Variants in ANKS1B observed in about 807,000 individuals in gnomAD.
ANKS1B encodes the protein ankyrin repeat and sterile alpha motif domain-containing protein 1B.
In ANKS1B, 36 loss-of-function variants were observed where a neutral mutation model predicts 148.3. The ratio of observed to expected loss-of-function variants is 0.24; its 90% confidence interval spans 0.19 to 0.32. The LOEUF is 0.32. Among genes scored for constraint, ANKS1B ranks in the 10% least tolerant of loss-of-function variants. The probability of loss-of-function intolerance (pLI) is 1.00; values close to 1 mark genes in which losing one functional copy is unlikely to be tolerated. For missense variants in ANKS1B, 1,157 were observed against 1,542.6 expected (o/e 0.75, Z 4.19); for synonymous variants, 542 against 560.8 (o/e 0.97, Z 0.47).
intron 9 of ANKS1B, among the ~76,000 whole-genome samples, chr12:99,636,595 A>T (rs184241641): frequency 2.4e-4 from 36 of 152,062 alleles, no homozygotes; most frequent in East Asian, 9.7e-4. Context: ...AAACCAGAAA[A>T]TTTTTTTTAA....
intron 8 of ANKS1B, among the ~76,000 whole-genome samples, chr12:99,748,518 T>G (rs2060811965): frequency 6.6e-6 from 1 of 152,054 alleles, no homozygotes; most frequent in Non-Finnish European, 1.5e-5. Flanking sequence ...ATCAAACTAA[T>G]TTTTCAATTT....
intron 1 of ANKS1B, among the ~76,000 whole-genome samples, chr12:99,958,501 G>GC (rs769743296): frequency 6.6e-6 from 1 of 152,074 alleles, no homozygotes; most frequent in Non-Finnish European, 1.5e-5. Context: ...TCCCACCTCA[G>GC]CCCCCCAAGT....
rs2074908970 is a variant in ANKS1B at position 99,253,582 on chromosome 12, T to C, written c.1757-6718A>G. On this transcript the variant is annotated intron_variant, in intron 12 of 26. Coordinates refer to ENST00000683438, the MANE Select transcript of ANKS1B (RefSeq NM_001352186.2). ...AAAGGATTTAGATAGAGGGCAATTT[T>C]AGGAATAAAATAAATAATGACAGTA... Among the ~76,000 whole-genome samples the C allele has an allele frequency of 2.0e-5, 3 of 152,070 alleles. No homozygotes were observed. The South Asian group carries it at 6.2e-4, about 32-fold the overall frequency.
chr12:99,674,625 C>G (rs955064094), intron 8 of ANKS1B, among the ~76,000 whole-genome samples: 2 of 151,614 alleles, frequency 1.3e-5, no homozygotes, highest in African/African-American at 4.8e-5. Flanking sequence ...AAGTGGATTA[C>G]TCAATAAACT....
intron 9 of ANKS1B, among the ~76,000 whole-genome samples, chr12:99,559,348 C>T (rs12308425): frequency 0.021 from 3,269 of 152,246 alleles, 113 homozygotes; most frequent in South Asian, 0.064. Flanking sequence ...ATTTTAGAAG[C>T]TTCTTTCTGC....
chr12:99,462,646 T>C (rs939970030), intron 10 of ANKS1B, among the ~76,000 whole-genome samples: 1 of 152,206 alleles, frequency 6.6e-6, no homozygotes, highest in African/African-American at 2.4e-5. Context: ...TGCTAGAAAT[T>C]AATGTTATCA....
chr12:99,269,448 T>C (rs2076790260), intron 12 of ANKS1B, among the ~76,000 whole-genome samples: 2 of 152,104 alleles, frequency 1.3e-5, no homozygotes, highest in Non-Finnish European at 2.9e-5. Flanking sequence ...TAGCATAAAA[T>C]TGCATTAAAC....
intron 12 of ANKS1B, among the ~76,000 whole-genome samples, chr12:99,260,814 T>A (rs2075848917): frequency 6.6e-6 from 1 of 152,100 alleles, no homozygotes; most frequent in East Asian, 1.9e-4. Context: ...AAAGAAGACA[T>A]TGTAAAGATA....
chr12:99,127,250 G>A (rs1199516749), intron 15 of ANKS1B, among the ~76,000 whole-genome samples: 1 of 152,140 alleles, frequency 6.6e-6, no homozygotes, highest in Non-Finnish European at 1.5e-5. Context: ...GGAGATGCTC[G>A]CTGAGGTGGC....
chr12:99,504,732 G>C (rs1262254475), intron 9 of ANKS1B, 91 bp from the exon 10 acceptor site: 1 of 990,072 alleles, frequency 1.0e-6, no homozygotes, highest in African/African-American at 1.7e-5. Flanking sequence ...AGGTTCATTA[G>C]TTCTTTCCAA....
chr12:99,793,926 A>G (rs2065941050), intron 4 of ANKS1B, among the ~76,000 whole-genome samples: 1 of 152,166 alleles, frequency 6.6e-6, no homozygotes, highest in African/African-American at 2.4e-5. Flanking sequence ...TACTCATCTG[A>G]CAAGAGATTA....
chr12:99,690,271 AC>A (rs1424072208), intron 8 of ANKS1B, among the ~76,000 whole-genome samples: 1 of 152,132 alleles, frequency 6.6e-6, no homozygotes, highest in Non-Finnish European at 1.5e-5. Context: ...CTGGATGGGG[AC>A]ACAGAGGCAA....
At chr12:99,865,922 G>T (rs1343946061) in intron 1 of ANKS1B, among the ~76,000 whole-genome samples, 1 of 151,928 alleles carries the variant, frequency 6.6e-6, no homozygotes, top group African/African-American at 2.4e-5. Context: ...AGTCTTGGTG[G>T]TGCTACAAGT....
intron 17 of ANKS1B, among the ~76,000 whole-genome samples, chr12:98,928,400 A>T (rs1183325019): frequency 6.6e-6 from 1 of 151,980 alleles, no homozygotes; most frequent in Non-Finnish European, 1.5e-5. Flanking sequence ...ACCAAAAAAT[A>T]GAAAGGGAAG....
intron 12 of ANKS1B, among the ~76,000 whole-genome samples, chr12:99,378,691 G>C (rs1437010335): frequency 6.8e-6 from 1 of 148,036 alleles, no homozygotes; most frequent in Non-Finnish European, 1.5e-5. Flanking sequence ...AAAAGAAAAA[G>C]AGACAGTACA....
At chr12:99,663,429 T>C (rs542302341) in intron 8 of ANKS1B, among the ~76,000 whole-genome samples, 15 of 152,230 alleles carry the variant, frequency 9.9e-5, no homozygotes, top group Admixed American at 6.5e-4. Context: ...TTTCTGAAAA[T>C]TACCTTGCAA....
intron 25 of ANKS1B, among the ~76,000 whole-genome samples, chr12:98,769,862 T>C (rs528120046): frequency 6.6e-5 from 10 of 152,378 alleles, no homozygotes; most frequent in Non-Finnish European, 1.3e-4. Flanking sequence ...TGATGTTCAA[T>C]GCAAACACGG....
chr12:99,074,553 C>T (rs567960591), intron 16 of ANKS1B, among the ~76,000 whole-genome samples: 2 of 152,208 alleles, frequency 1.3e-5, no homozygotes, highest in East Asian at 3.9e-4. Context: ...TCAAAGGGTG[C>T]AAAGAGCTTC....
At chr12:98,943,742 T>C (rs548790437) in intron 17 of ANKS1B, among the ~76,000 whole-genome samples, 4 of 152,216 alleles carry the variant, frequency 2.6e-5, no homozygotes, top group Non-Finnish European at 5.9e-5. Context: ...CTTAATTCCA[T>C]CTGCAACTTT....
Sources: gnomAD v4.1 joint callset for allele counts (sites outside exome capture counted in the v4.1 genomes callset) on GRCh38, gnomAD v4.1.1 for gene constraint, MANE v1.5 for transcripts, NCBI Gene and HGNC (gene_info 2026-07-23, HGNC 2026-07-21) for gene names.